The following DLG2 variants were observed in gnomAD, a reference collection of about 807,000 sequenced individuals.
DLG2 encodes disks large homolog 2.
A neutral mutation model predicts 132.5 loss-of-function variants in DLG2; 45 were observed. The observed-to-expected ratio is 0.34, with a 90% CI of 0.27 to 0.44. The LOEUF (loss-of-function observed/expected upper bound fraction) is 0.44, where lower values mean the gene tolerates loss of function less well. DLG2 is among the 20% of genes least tolerant of loss of function. The pLI is 1.00. For synonymous variants in DLG2, 424 were observed against 419.6 expected (o/e 1.01, Z -0.13); for missense variants, 1,045 against 1,196.9 (o/e 0.87, Z 1.87).
chr11:85,105,984 A>T (rs2071676704), intron 6 of DLG2, among the ~76,000 whole-genome samples: 1 of 101,816 alleles, frequency 9.8e-6, no homozygotes, highest in Admixed American at 9.9e-5. Context: ...GGGAGGAACT[A>T]CCAAAAAAAG....
At position 85,482,082 on chromosome 11, in the gene DLG2, C is replaced by T. The variant is rs150520131; in HGVS notation, c.40+116575G>A. Among the ~76,000 whole-genome samples the T allele has an allele frequency of 7.9e-3, 1,196 of 152,198 alleles. 12 individuals carry two copies. Among genetic ancestry groups the T allele is most frequent in the Non-Finnish European group, 9.0e-3 (612 of 68,010 alleles). ...TCAGGCTCCAGACCAACCCCAAGGC[C>T]AGGCCAGCCCCTGTGGCCCCAGGCT... is the stretch of plus-strand genomic sequence containing the variant. On this transcript the variant is annotated intron_variant, in intron 3 of 27. Coordinates refer to ENST00000376104, the MANE Select transcript of DLG2 (RefSeq NM_001142699.3).
At chr11:85,128,498 T>C (rs1427443073) in intron 5 of DLG2, among the ~76,000 whole-genome samples, 1 of 152,180 alleles carries the variant, frequency 6.6e-6, no homozygotes, top group Non-Finnish European at 1.5e-5. Flanking sequence ...CACTTTTTTC[T>C]GTTCTTATAT....
intron 3 of DLG2, among the ~76,000 whole-genome samples, chr11:85,370,647 A>G (rs1050790359): frequency 1.3e-5 from 2 of 152,188 alleles, no homozygotes; most frequent in Non-Finnish European, 2.9e-5. Flanking sequence ...ATTCTATTTT[A>G]TAATATCAAG....
chr11:84,408,584 T>C (rs1016423951), intron 7 of DLG2, among the ~76,000 whole-genome samples: 3 of 152,074 alleles, frequency 2.0e-5, no homozygotes, highest in Non-Finnish European at 4.4e-5. Flanking sequence ...ATAATTATAA[T>C]TCAAGGTAGA....
rs182407990 is a variant in DLG2 at position 84,013,539 on chromosome 11, C to T, written c.920-32897G>A. Among the ~76,000 whole-genome samples the T allele has an allele frequency of 3.3e-3, 502 of 152,048 alleles. 1 individual carries two copies. Among genetic ancestry groups the T allele is most frequent in the Non-Finnish European group, 5.5e-3 (377 of 67,974 alleles). ...TTTCAGTTAATAGAACTGATTTGACCTCTTTAATAGCCTACAGCAATAGTA... is the reference window on the plus strand; with the variant it reads ...TTTCAGTTAATAGAACTGATTTGACTTCTTTAATAGCCTACAGCAATAGTA... On this transcript the variant is annotated intron_variant, in intron 11 of 27. Transcript: ENST00000376104.
chr11:83,726,205 A>G (rs2089971269), intron 18 of DLG2, among the ~76,000 whole-genome samples: 1 of 152,240 alleles, frequency 6.6e-6, no homozygotes, highest in South Asian at 2.1e-4. Context: ...CTTGGAGACT[A>G]AAAACATTTT....
intron 7 of DLG2, among the ~76,000 whole-genome samples, chr11:84,521,146 G>T (rs1010008275): frequency 6.6e-6 from 1 of 152,214 alleles, no homozygotes; most frequent in Non-Finnish European, 1.5e-5. Context: ...GATGCACACA[G>T]TTTAGTTGGA....
At chr11:84,872,729 AAC>A (rs1357287993) in intron 6 of DLG2, among the ~76,000 whole-genome samples, 17 of 152,226 alleles carry the variant, frequency 1.1e-4, no homozygotes, top group African/African-American at 3.9e-4. Context: ...CACATTTTTA[AAC>A]AGTCTTACTC....
chr11:85,106,399 G>A (rs879845031), intron 6 of DLG2, among the ~76,000 whole-genome samples: 2 of 151,880 alleles, frequency 1.3e-5, no homozygotes, highest in Non-Finnish European at 2.9e-5. Context: ...TCTTTTTCAA[G>A]AACTGCAAGA....
intron 6 of DLG2, among the ~76,000 whole-genome samples, chr11:85,066,660 T>A (rs2064967389): frequency 6.6e-6 from 1 of 151,618 alleles, no homozygotes. Context: ...TAAATGTGAT[T>A]CACCACATAA....
At chr11:83,985,388 A>C (rs1462932190) in intron 11 of DLG2, among the ~76,000 whole-genome samples, 1 of 151,968 alleles carries the variant, frequency 6.6e-6, no homozygotes, top group Admixed American at 6.6e-5. Flanking sequence ...CATATGCAAT[A>C]TGTCCAGGTT....
chr11:85,407,618 C>T (rs769411997), intron 3 of DLG2, among the ~76,000 whole-genome samples: 6 of 151,722 alleles, frequency 4.0e-5, no homozygotes, highest in Non-Finnish European at 8.8e-5. Flanking sequence ...ACGGGAGTCA[C>T]GAAGCAGCAC....
At chr11:84,567,364 A>G (rs2099461073) in intron 6 of DLG2, among the ~76,000 whole-genome samples, 1 of 152,180 alleles carries the variant, frequency 6.6e-6, no homozygotes, top group African/African-American at 2.4e-5. Flanking sequence ...AATTGTGTCT[A>G]GGGAAGAAGA....
At chr11:83,583,303 GC>G (rs1321707089) in intron 19 of DLG2, among the ~76,000 whole-genome samples, 1 of 152,192 alleles carries the variant, frequency 6.6e-6, no homozygotes, top group Non-Finnish European at 1.5e-5. Context: ...AGAGAAGGCT[GC>G]CCTCTTTGCA....
chr11:84,104,220 T>C (rs149540441), intron 9 of DLG2, among the ~76,000 whole-genome samples: 2,834 of 152,202 alleles, frequency 0.019, 74 homozygotes, highest in African/African-American at 0.063. Flanking sequence ...GTGGTACATA[T>C]ATACCATGGA....
At chr11:84,756,091 C>G (rs1441284605) in intron 6 of DLG2, among the ~76,000 whole-genome samples, 1 of 152,024 alleles carries the variant, frequency 6.6e-6, no homozygotes, top group East Asian at 1.9e-4. Context: ...ATATGCGAGA[C>G]TATTTCAAAA....
intron 6 of DLG2, among the ~76,000 whole-genome samples, chr11:84,782,170 C>A (rs2071922869): frequency 6.6e-6 from 1 of 152,046 alleles, no homozygotes; most frequent in Non-Finnish European, 1.5e-5. Flanking sequence ...ATTATAAAGA[C>A]ATGTAAACTT....
chr11:85,290,405 G>A (rs2078821026), intron 3 of DLG2, among the ~76,000 whole-genome samples: 1 of 152,008 alleles, frequency 6.6e-6, no homozygotes, highest in Non-Finnish European at 1.5e-5. Context: ...TCTCAGGTGA[G>A]GTACATGGCT....
At chr11:84,770,776 G>T (rs962248557) in intron 6 of DLG2, among the ~76,000 whole-genome samples, 3 of 151,108 alleles carry the variant, frequency 2.0e-5, no homozygotes, top group African/African-American at 7.3e-5. Context: ...CTCCCTAGTA[G>T]CTGGGACTAC....
Sources: gnomAD v4.1 joint callset for allele counts (sites outside exome capture counted in the v4.1 genomes callset) on GRCh38, gnomAD v4.1.1 for gene constraint, MANE v1.5 for transcripts, NCBI Gene and HGNC (gene_info 2026-07-23, HGNC 2026-07-21) for gene names.